Variants in QRICH1 observed in about 807,000 individuals in gnomAD.
QRICH1 encodes glutamine rich 1.
In QRICH1, 16 loss-of-function variants were observed where a neutral mutation model predicts 87.1. The ratio of observed to expected loss-of-function variants is 0.18; its 90% CI spans 0.12 to 0.28. QRICH1 has a LOEUF of 0.28. Among genes scored for constraint, QRICH1 ranks in the 10% least tolerant of loss-of-function variants. The pLI is 1.00. For missense variants in QRICH1, 647 were observed against 951.7 expected, an observed-to-expected ratio of 0.68 and a Z score of 4.21; for synonymous variants, 367 against 368.4, an observed-to-expected ratio of 1.00 and a Z score of 0.05.
At chr3:49,069,107 A>ATTAT (rs1412079462) in intron 2 of QRICH1, among the ~76,000 whole-genome samples, 165 of 124,022 alleles carry the variant, frequency 1.3e-3, no homozygotes, top group African/African-American at 4.5e-3. Flanking sequence ...TATTATTATT[A>ATTAT]TTTTTTTTTT....
intron 2 of QRICH1, among the ~76,000 whole-genome samples, chr3:49,074,399 C>T (rs1475889204): frequency 6.6e-6 from 1 of 151,120 alleles, no homozygotes; most frequent in African/African-American, 2.4e-5. Context: ...GGTGAAACCC[C>T]GTCTCTACTT....
intron 6 of QRICH1, among the ~76,000 whole-genome samples, chr3:49,039,999 T>C (rs967294306): frequency 7.2e-5 from 11 of 151,808 alleles, no homozygotes; most frequent in African/African-American, 2.4e-4. Context: ...AGGCGGAGGT[T>C]GAAGTCAGCC....
At chr3:49,090,458 CAAA>C (rs11425427) in intron 1 of QRICH1, among the ~76,000 whole-genome samples, 5 of 96,122 alleles carry the variant, frequency 5.2e-5, no homozygotes, top group African/African-American at 1.3e-4. Context: ...GACTACGTCT[CAAA>C]AAAAAAAAAA....
At chr3:49,089,184 C>T (rs775575130) in intron 1 of QRICH1, among the ~76,000 whole-genome samples, 6 of 151,874 alleles carry the variant, frequency 4.0e-5, no homozygotes, top group African/African-American at 9.7e-5. Flanking sequence ...CTCATCTTCC[C>T]GAGTAGTTGG....
Position 49,029,738 on chromosome 3 carries a change from A to C in QRICH1, c.*714T>G. On this transcript the variant is annotated 3_prime_UTR_variant, in exon 10 of 10. Coordinates refer to ENST00000395443, the MANE Select transcript of QRICH1 (RefSeq NM_198880.3). ...AAAGACGTGCTTGTCATTCTTAATA[A>C]ACAACTAGAGTAAGAATACATAAGA... 3.0e-6 allele frequency: 1 copy of C among 336,482 alleles called. No homozygotes were observed. The highest frequency in any genetic ancestry group is 2.1e-5 in the African/African-American group (1 of 47,080). 20.8% of individuals were successfully genotyped at this position (336,482 alleles called of 1,614,324 possible).
At chr3:49,043,894 A>G (rs2093325232) in intron 6 of QRICH1, among the ~76,000 whole-genome samples, 1 of 152,000 alleles carries the variant, frequency 6.6e-6, no homozygotes, top group South Asian at 2.1e-4. Flanking sequence ...AGCTCCAGCT[A>G]CTCAGGAGGC....
intron 3 of QRICH1, among the ~76,000 whole-genome samples, chr3:49,056,475 C>A (rs2093403119): frequency 6.6e-6 from 1 of 152,196 alleles, no homozygotes; most frequent in South Asian, 2.1e-4. Context: ...ATGTGATAAA[C>A]TACAAGTGTT....
intron 6 of QRICH1, among the ~76,000 whole-genome samples, chr3:49,035,370 C>A (rs1348191633): frequency 6.6e-6 from 1 of 152,090 alleles, no homozygotes; most frequent in Non-Finnish European, 1.5e-5. Flanking sequence ...CCATGCCTGG[C>A]CTTCCTTTTC....
chr3:49,067,195 TAAAC>T (rs2093473583), intron 2 of QRICH1, among the ~76,000 whole-genome samples: 2 of 152,078 alleles, frequency 1.3e-5, no homozygotes, highest in East Asian at 3.8e-4. Flanking sequence ...ACTCCAGAAA[TAAAC>T]AAAATTACAA....
rs756718514 is a variant in QRICH1 at position 49,046,515 on chromosome 3, C to T, written c.1581G>A (p.Gly527=). Residue 527 remains glycine (G), a synonymous_variant, in exon 5 of 10, where the codon GGG becomes GGA. Coordinates refer to ENST00000395443, the MANE Select transcript of QRICH1 (RefSeq NM_198880.3). ...ISSAVAELNY[G]LCLMTREARN... Reference sequence around the variant, plus strand: ...GAGCTTCCCGTGTCATTAGACAGAGCCCATAATTCAACTCTGCCACAGCAG... The same window carrying T: ...GAGCTTCCCGTGTCATTAGACAGAGTCCATAATTCAACTCTGCCACAGCAG... The T allele has an allele frequency of 6.2e-7, 1 of 1,614,078 alleles. No homozygotes were observed. Among genetic ancestry groups the T allele is most frequent in the South Asian group, 1.1e-5 (1 of 91,078 alleles).
chr3:49,062,887 C>G (rs1269465316), intron 2 of QRICH1, among the ~76,000 whole-genome samples: 3 of 151,618 alleles, frequency 2.0e-5, no homozygotes, highest in Admixed American at 6.6e-5. Flanking sequence ...GTAGTCCCAG[C>G]TACTCGGGAG....
chr3:49,052,920 TAGA>T (rs2093379473), intron 3 of QRICH1, among the ~76,000 whole-genome samples: 1 of 152,162 alleles, frequency 6.6e-6, no homozygotes, highest in African/African-American at 2.4e-5. Flanking sequence ...ATGTGAAAAT[TAGA>T]AGAATATGTT....
chr3:49,045,807 G>A (rs188257562), intron 5 of QRICH1, among the ~76,000 whole-genome samples: 9 of 151,124 alleles, frequency 6.0e-5, no homozygotes, highest in Middle Eastern at 3.5e-3. Flanking sequence ...GCCTAGGCTG[G>A]TCTCAAACTC....
rs1247673416 is a variant in QRICH1 at position 49,030,305 on chromosome 3, CTTTTA to C, written c.*142_*146del. On this transcript the variant is annotated 3_prime_UTR_variant, in exon 10 of 10. Coordinates refer to ENST00000395443, the MANE Select transcript of QRICH1 (RefSeq NM_198880.3). Reference sequence around the variant, plus strand: ...GAAGATGCAAAGGGGGCAAAGTTTTCTTTTATATTTTAAACAGAAGCAGCCTGAAA... The same window carrying C: ...GAAGATGCAAAGGGGGCAAAGTTTTCTATTTTAAACAGAAGCAGCCTGAAA... 7.6e-5 allele frequency: 59 copies of C among 773,556 alleles called. No individual in the cohort carries two copies. The highest frequency in any genetic ancestry group is 1.1e-4 in the Non-Finnish European group (55 of 506,498). The allele number at this position is 773,556 out of a possible 1,614,324, so 47.9% of individuals were successfully genotyped here. A position where few individuals can be genotyped will look rare whatever the true frequency, so the allele number is the denominator to read the frequency against.
intron 2 of QRICH1, among the ~76,000 whole-genome samples, chr3:49,069,098 A>ATTTT (rs1470081542): frequency 9.5e-5 from 8 of 83,884 alleles, no homozygotes; most frequent in Non-Finnish European, 1.5e-4. Context: ...TATTATTATT[A>ATTTT]TTATTATTAT....
In QRICH1 at chr3:49,043,611, A is replaced by G. The variant is rs563801509; in HGVS notation, c.1786+779T>C. Among the ~76,000 whole-genome samples, 12 of 152,058 alleles carry G rather than the reference A, an allele frequency of 7.9e-5. No homozygotes were observed. The East Asian group carries it at 2.3e-3, about 29-fold the overall frequency. On this transcript the variant is annotated intron_variant, in intron 6 of 9. Coordinates refer to ENST00000395443, the MANE Select transcript of QRICH1 (RefSeq NM_198880.3). ...TGGGAGGCCGAGGTGGGCAGATCAC[A>G]AAGTCAGGAGTTTGAGACCAGCCTG... is the stretch of plus-strand genomic sequence containing the variant.
chr3:49,051,592 C>A lies in QRICH1; in HGVS notation c.1339-4346G>T, dbSNP rs201785075. 1.9e-3 allele frequency among the ~76,000 whole-genome samples: 262 copies of A among 139,038 alleles called. 6 individuals are homozygous for A. The highest frequency in any genetic ancestry group is 6.0e-3 in the African/African-American group (226 of 37,436). 91.2% of individuals were successfully genotyped at this position (139,038 alleles called of 152,430 possible). ...GCTAGAACCCCCCCTGCGCCCCCCC[C>A]CCCCTCCGCTTAATATACCTAGTGG... On this transcript the variant is annotated intron_variant, in intron 3 of 9. Transcript: ENST00000395443.
chr3:49,053,606 A>G (rs1198735535), intron 3 of QRICH1, among the ~76,000 whole-genome samples: 1 of 152,148 alleles, frequency 6.6e-6, no homozygotes, highest in Non-Finnish European at 1.5e-5. Flanking sequence ...GACCTTGACA[A>G]GAACAGATTT....
intron 2 of QRICH1, among the ~76,000 whole-genome samples, chr3:49,073,398 G>C (rs118166623): frequency 6.6e-6 from 1 of 151,590 alleles, no homozygotes; most frequent in Non-Finnish European, 1.5e-5. Flanking sequence ...AAAATTAGCC[G>C]GCACAGTGGC....
Sources: allele counts gnomAD v4.1 joint callset (sites outside exome capture counted in the v4.1 genomes callset), GRCh38; gene constraint gnomAD v4.1.1; transcripts MANE v1.5; gene names NCBI Gene and HGNC (gene_info 2026-07-23, HGNC 2026-07-21).